PPP1R12A: variants seen among roughly 807,000 people sequenced by gnomAD.
PPP1R12A encodes the protein protein phosphatase 1 regulatory subunit 12A, also known as myosin binding subunit.
PPP1R12A carries 19 observed loss-of-function variants against 139.6 expected under a neutral mutation model. The ratio of observed to expected loss-of-function variants is 0.14; its 90% confidence interval spans 0.09 to 0.20. The LOEUF is 0.20. Among genes scored for constraint, PPP1R12A ranks in the 10% least tolerant of loss-of-function variants. The pLI, the probability that PPP1R12A is intolerant of heterozygous loss-of-function variation, is 1.00. For missense variants in PPP1R12A, 925 were observed against 1,211.5 expected, an observed-to-expected ratio of 0.76 and a Z score of 3.51; for synonymous variants, 427 against 420.6, an observed-to-expected ratio of 1.02 and a Z score of -0.19.
intron 3 of PPP1R12A, among the ~76,000 whole-genome samples, chr12:79,844,624 A>G (rs920147614): frequency 6.6e-6 from 1 of 152,120 alleles, no homozygotes; most frequent in African/African-American, 2.4e-5. Flanking sequence ...ATCTATTTTC[A>G]ACACAAGAGC....
At chr12:79,917,693 T>G (rs993939334) in intron 1 of PPP1R12A, among the ~76,000 whole-genome samples, 3 of 152,010 alleles carry the variant, frequency 2.0e-5, no homozygotes, top group African/African-American at 4.8e-5. Context: ...CTGTAATATT[T>G]TGAGCAAAAA....
intron 2 of PPP1R12A, among the ~76,000 whole-genome samples, chr12:79,854,808 C>T (rs886574708): frequency 6.6e-6 from 1 of 151,882 alleles, no homozygotes; most frequent in African/African-American, 2.4e-5. Flanking sequence ...AGTAACTAGG[C>T]CTACTGGCAT....
chr12:79,785,677 T>C (rs1169496822), intron 22 of PPP1R12A, among the ~76,000 whole-genome samples: 1 of 152,208 alleles, frequency 6.6e-6, no homozygotes, highest in Non-Finnish European at 1.5e-5. Flanking sequence ...AGCATATAAA[T>C]AGACCCTGTA....
In PPP1R12A at chr12:79,775,748, C is replaced by A; in HGVS notation, c.*181G>T. ...AAAAAAACAAAAAACAAACCAACAACAACAAAAACACCCCAGAAAATTAAA... is the reference window on the plus strand; with the variant it reads ...AAAAAAACAAAAAACAAACCAACAAAAACAAAAACACCCCAGAAAATTAAA... On this transcript the variant is annotated 3_prime_UTR_variant, in exon 25 of 25. Coordinates refer to ENST00000450142, the MANE Select transcript of PPP1R12A (RefSeq NM_002480.3). The A allele has an allele frequency of 1.0e-5, 4 of 389,488 alleles. No homozygotes were observed. In the South Asian group the frequency reaches 2.2e-4, roughly 22 times the overall value. 24.1% of individuals were successfully genotyped at this position (389,488 alleles called of 1,614,324 possible). A position where few individuals can be genotyped will look rare whatever the true frequency, so the allele number is the denominator to read the frequency against.
Position 79,931,831 on chromosome 12 carries a change from A to G in PPP1R12A, c.237+2864T>C, listed in dbSNP as rs534215862. 4.6e-5 allele frequency among the ~76,000 whole-genome samples: 7 copies of G among 152,290 alleles called. No homozygotes were observed. The East Asian group carries it at 9.7e-4, about 21-fold the overall frequency. On this transcript the variant is annotated intron_variant, in intron 1 of 24. Transcript: ENST00000450142. ...GGGGAGAAAGGCTACTCTGGAGACT[A>G]AGATAGGAAATTTGACAAGAAACGC...
intron 2 of PPP1R12A, among the ~76,000 whole-genome samples, chr12:79,857,013 T>A (rs1266287871): frequency 6.6e-6 from 1 of 152,252 alleles, no homozygotes; most frequent in Non-Finnish European, 1.5e-5. Context: ...GACATGACTT[T>A]CCTCAGGCAG....
At chr12:79,884,061 G>C (rs2137391706) in intron 1 of PPP1R12A, among the ~76,000 whole-genome samples, 1 of 152,240 alleles carries the variant, frequency 6.6e-6, no homozygotes, top group African/African-American at 2.4e-5. Context: ...GTGAAAAACA[G>C]GTCTGGTATA....
At chr12:79,856,948 T>C (rs990681864) in intron 2 of PPP1R12A, among the ~76,000 whole-genome samples, 3 of 152,214 alleles carry the variant, frequency 2.0e-5, no homozygotes, top group African/African-American at 7.2e-5. Context: ...TAAGTATAAA[T>C]ACAGTGGTAG....
chr12:79,788,882 T>A, intron 20 of PPP1R12A, 99 bp from the exon 21 acceptor site: 1 of 1,004,142 alleles, frequency 1.0e-6, no homozygotes, highest in Non-Finnish European at 1.4e-6. Context: ...TTCAAAAGAG[T>A]AGGTCACAGT....
intron 1 of PPP1R12A, among the ~76,000 whole-genome samples, chr12:79,899,057 A>T (rs1220554075): frequency 1.3e-5 from 2 of 152,036 alleles, no homozygotes; most frequent in African/African-American, 4.8e-5. Context: ...ACACTTATCT[A>T]TCCACAGTCA....
At chr12:79,796,380 T>C (rs1872518589) in intron 17 of PPP1R12A, among the ~76,000 whole-genome samples, 1 of 152,158 alleles carries the variant, frequency 6.6e-6, no homozygotes, top group African/African-American at 2.4e-5. Flanking sequence ...GAGCATTACA[T>C]GTAGTTAGTA....
intron 23 of PPP1R12A, among the ~76,000 whole-genome samples, chr12:79,781,319 CTTAAG>C (rs1176581644): frequency 2.6e-5 from 4 of 151,856 alleles, no homozygotes; most frequent in Non-Finnish European, 4.4e-5. Context: ...AAATAGCCTA[CTTAAG>C]TTAAATATTT....
chr12:79,796,504 AAT>A (rs1364058008), intron 17 of PPP1R12A, among the ~76,000 whole-genome samples: 1 of 152,204 alleles, frequency 6.6e-6, no homozygotes, highest in Non-Finnish European at 1.5e-5. Flanking sequence ...TGCTTCTAGA[AAT>A]AGTCACCCAC....
chr12:79,826,750 G>A (rs979959087), intron 5 of PPP1R12A, among the ~76,000 whole-genome samples: 18 of 152,192 alleles, frequency 1.2e-4, no homozygotes, highest in African/African-American at 4.1e-4. Flanking sequence ...ACAATATATT[G>A]TGTATGTTTC....
At position 79,821,415 on chromosome 12, in the gene PPP1R12A, G is replaced by C. The variant is rs529513518; in HGVS notation, c.868-249C>G. Among the ~76,000 whole-genome samples, 83 of 152,186 alleles carry C rather than the reference G, an allele frequency of 5.5e-4. 2 individuals are homozygous for C. In the South Asian group the frequency reaches 0.011, roughly 20 times the overall value. ...TCCCTCCAACTTTACTGAAAAAGTCGAGATCCACTAACCACTTAGGCTGGC... is the reference window on the plus strand; with the variant it reads ...TCCCTCCAACTTTACTGAAAAAGTCCAGATCCACTAACCACTTAGGCTGGC... On this transcript the variant is annotated intron_variant, in intron 6 of 24. Coordinates refer to ENST00000450142, the MANE Select transcript of PPP1R12A (RefSeq NM_002480.3).
intron 3 of PPP1R12A, among the ~76,000 whole-genome samples, chr12:79,836,249 A>G (rs1878067308): frequency 6.6e-6 from 1 of 152,210 alleles, no homozygotes; most frequent in Non-Finnish European, 1.5e-5. Context: ...AAAGATAATC[A>G]GCCCATTTAA....
chr12:79,776,724 CAG>C (rs1869775264), intron 24 of PPP1R12A, among the ~76,000 whole-genome samples: 1 of 152,048 alleles, frequency 6.6e-6, no homozygotes. Flanking sequence ...TGTTGTTTTA[CAG>C]ACAAATTGAT....
chr12:79,874,675 A>T (rs894559534), intron 1 of PPP1R12A, among the ~76,000 whole-genome samples: 2 of 152,178 alleles, frequency 1.3e-5, no homozygotes, highest in African/African-American at 4.8e-5. Context: ...ATAAAAAAAA[A>T]ATTTGAGAAC....
At chr12:79,796,389 T>G (rs936154568) in intron 17 of PPP1R12A, among the ~76,000 whole-genome samples, 4 of 152,280 alleles carry the variant, frequency 2.6e-5, no homozygotes, top group Non-Finnish European at 5.9e-5. Context: ...ATGTAGTTAG[T>G]AATTTTAGTT....
Sources: allele counts gnomAD v4.1 joint callset (sites outside exome capture counted in the v4.1 genomes callset), GRCh38; gene constraint gnomAD v4.1.1; transcripts MANE v1.5; gene names NCBI Gene and HGNC (gene_info 2026-07-23, HGNC 2026-07-21).